Variants in TRAF4 observed in about 807,000 individuals in gnomAD.
TRAF4 encodes the protein TNF receptor associated factor 4.
A neutral mutation model predicts 47.3 loss-of-function variants in TRAF4; 9 were observed. That is an observed-to-expected ratio of 0.19 (90% CI 0.11 to 0.33). The LOEUF (loss-of-function observed/expected upper bound fraction) is 0.33, where lower values mean the gene tolerates loss of function less well. TRAF4 is among the 10% of genes least tolerant of loss of function. The probability of loss-of-function intolerance (pLI) is 1.00; values close to 1 mark genes in which losing one functional copy is unlikely to be tolerated. For synonymous variants in TRAF4, 236 were observed against 236.9 expected (o/e 1.00, Z 0.04); for missense variants, 448 against 620.3 (o/e 0.72, Z 2.95).
chr17:28,750,285 C>T lies in TRAF4; in HGVS notation c.*708C>T. The T allele has an allele frequency of 4.3e-6, 1 of 234,010 alleles. No homozygotes were observed. The highest frequency in any genetic ancestry group is 8.4e-6 in the Non-Finnish European group (1 of 118,694). The allele number at this position is 234,010 out of a possible 1,614,324, so 14.5% of individuals were successfully genotyped here. On this transcript the variant is annotated 3_prime_UTR_variant, in exon 7 of 7. Coordinates refer to ENST00000262395, the MANE Select transcript of TRAF4 (RefSeq NM_004295.4). ...AGACGGTCCCTGCCACTGCCCTCTG[C>T]CGATGAAATGCGGGAAGTGTATGGC... is the stretch of plus-strand genomic sequence containing the variant.
intron 1 of TRAF4, chr17:28,747,004 C>T: frequency 8.4e-6 from 4 of 476,738 alleles, no homozygotes; most frequent in Non-Finnish European, 7.3e-6. Flanking sequence ...CTCCTCTAGG[C>T]CCAGACCCCC....
rs2034470927 is a variant in TRAF4 at position 28,744,219 on chromosome 17, A to G, written c.107A>G (p.His36Arg). Residue 36 changes from histidine to arginine, a missense_variant, in exon 1 of 7, where the codon CAC becomes CGC. Physicochemically the swap from His to Arg is conservative, Grantham distance 29. Coordinates refer to ENST00000262395, the MANE Select transcript of TRAF4 (RefSeq NM_004295.4). ...REPVQVSTCG[H>R]RFCDTCLQEF... is the part of the protein sequence containing the mutation. Reference sequence around the variant, plus strand: ...CCTGTGCAGGTTTCCACCTGCGGCCACCGTTTCTGCGATACCTGCCTGCAG... The same window carrying G: ...CCTGTGCAGGTTTCCACCTGCGGCCGCCGTTTCTGCGATACCTGCCTGCAG... The G allele has an allele frequency of 6.4e-7, 1 of 1,558,320 alleles. No homozygotes were observed. Among genetic ancestry groups the G allele is most frequent in the African/African-American group, 1.4e-5 (1 of 71,894 alleles).
rs1254416613 is a variant in TRAF4 at position 28,749,840 on chromosome 17, A to G, written c.*263A>G. On this transcript the variant is annotated 3_prime_UTR_variant, in exon 7 of 7. Transcript: ENST00000262395. ...GTCTCCCTTCTTGGGTAGGGCAGAC[A>G]TGCCTTGGTGCCGGTCACACTCTAC... The G allele has an allele frequency of 4.2e-6, 3 of 712,646 alleles. No individual in the cohort carries two copies. The Admixed American group carries it at 6.0e-5, about 14-fold the overall frequency. The allele number at this position is 712,646 out of a possible 1,614,324, so 44.1% of individuals were successfully genotyped here.
intron 4 of TRAF4, 32 bp downstream of exon 4, chr17:28,748,210 G>A (rs371258018): frequency 1.9e-6 from 3 of 1,613,038 alleles, no homozygotes; most frequent in African/African-American, 1.3e-5. Context: ...GTGGAGGAGG[G>A]GGTACCTGAT....
Position 28,747,824 on chromosome 17 carries a change from C to G in TRAF4, c.196-19C>G, listed in dbSNP as rs368079949. On this transcript the variant is annotated intron_variant, in intron 2 of 6. Transcript: ENST00000262395. ...CAGTCAGCTCTGACCCTGGCCAGTT[C>G]CCCCATCCCTACCCCCAGATCTACC... is the stretch of plus-strand genomic sequence containing the variant. The G allele has an allele frequency of 6.2e-7, 1 of 1,607,182 alleles. No homozygotes were observed. Among genetic ancestry groups the G allele is most frequent in the Non-Finnish European group, 8.5e-7 (1 of 1,177,018 alleles).
In TRAF4 at chr17:28,744,397, GA is replaced by G. The variant is rs1567764626; in HGVS notation, c.143+143del. 3.0e-6 allele frequency: 3 copies of G among 997,996 alleles called. No individual in the cohort carries two copies. In the African/African-American group the frequency reaches 5.2e-5, roughly 17 times the overall value. 61.8% of individuals were successfully genotyped at this position (997,996 alleles called of 1,614,324 possible). On this transcript the variant is annotated intron_variant, in intron 1 of 6. Coordinates refer to ENST00000262395, the MANE Select transcript of TRAF4 (RefSeq NM_004295.4). The stretch of plus-strand genomic sequence containing the variant: ...CAGGGGCGCCCCGTGACGTCACGGG[GA>G]GGGATGACGTCAAGCCCCGAGGGAG...
chr17:28,749,229 T>C lies in TRAF4; in HGVS notation c.1065T>C (p.Asn355=). The C allele has an allele frequency of 6.2e-7, 1 of 1,614,124 alleles. No homozygotes were observed. Among genetic ancestry groups the C allele is most frequent in the Non-Finnish European group, 8.5e-7 (1 of 1,180,038 alleles). ...AGGTGTCTGCATTCCTCAATGGCAA[T>C]GGCAGTGGTGAGGGCACACACCTCT... ...KLQVSAFLNG[N]GSGEGTHLSL... The change falls in exon 7 of 7, where the codon AAT becomes AAC. Residue 355 remains asparagine, a synonymous_variant. Transcript: ENST00000262395.
chr17:28,744,026 G>A lies in TRAF4; in HGVS notation c.-87G>A, dbSNP rs1286839533. 12 of 1,033,396 alleles carry A rather than the reference G, an allele frequency of 1.2e-5. No homozygotes were observed. The highest frequency in any genetic ancestry group is 8.9e-4 in the Middle Eastern group (2 of 2,252). The allele number at this position is 1,033,396 out of a possible 1,614,324, so 64.0% of individuals were successfully genotyped here. ...CGCGACCGCCAGTCGGCGCCGCCCG[G>A]AGCCGGGAGCGCCGCTCCAGCGAGG... On this transcript the variant is annotated 5_prime_UTR_variant, in exon 1 of 7. Coordinates refer to ENST00000262395, the MANE Select transcript of TRAF4 (RefSeq NM_004295.4).
In TRAF4 at chr17:28,748,989, G is replaced by A; in HGVS notation, c.825G>A (p.Lys275=). ...AMARHVEESV[K]PHLAMMCALV... is the part of the protein sequence containing the mutation. The stretch of plus-strand genomic sequence containing the variant: ...CACGGCATGTGGAGGAGAGTGTGAA[G>A]CCACATCTGGCCATGATGTGTGCCC... Residue 275 remains lysine, a synonymous_variant, in exon 7 of 7, where the codon AAG becomes AAA. Transcript: ENST00000262395. 6.2e-7 allele frequency: 1 copy of A among 1,613,492 alleles called. No homozygotes were observed. Among genetic ancestry groups the A allele is most frequent in the Non-Finnish European group, 8.5e-7 (1 of 1,179,974 alleles).
At chr17:28,744,292 C>T in intron 1 of TRAF4, 37 bp downstream of exon 1, 2 of 95,982 alleles carry the variant, frequency 2.1e-5, no homozygotes. Flanking sequence ...GGGGGCGGGG[C>T]GGGGCGGGGG....
At position 28,750,461 on chromosome 17, in the gene TRAF4, T is replaced by G. The variant is rs1048858274; in HGVS notation, c.*884T>G. On this transcript the variant is annotated 3_prime_UTR_variant, in exon 7 of 7. Coordinates refer to ENST00000262395, the MANE Select transcript of TRAF4 (RefSeq NM_004295.4). ...TATTTCATTGAAAAGAACTGTCAAGTGAAATACTTTTTAGCACAGTAACTG... is the reference window on the plus strand; with the variant it reads ...TATTTCATTGAAAAGAACTGTCAAGGGAAATACTTTTTAGCACAGTAACTG... 12 of 152,636 alleles carry G rather than the reference T, an allele frequency of 7.9e-5. No individual in the cohort carries two copies. The highest frequency in any genetic ancestry group is 1.5e-4 in the Non-Finnish European group (10 of 68,362). The allele number at this position is 152,636 out of a possible 1,614,324, so 9.5% of individuals were successfully genotyped here.
At chr17:28,745,767 C>G (rs777982177) in intron 1 of TRAF4, among the ~76,000 whole-genome samples, 1 of 152,188 alleles carries the variant, frequency 6.6e-6, no homozygotes, top group Non-Finnish European at 1.5e-5. Flanking sequence ...GCTCCTCACC[C>G]GCCACGGTAC....
rs767474975 is a variant in TRAF4, at chr17:28,748,898, CTGAT to C, written c.781-46_781-43del. On this transcript the variant is annotated intron_variant, in intron 6 of 6. Transcript: ENST00000262395. ...TCTCCTCTCCCTGGACCTCCCCCTACTGATAACTCTCCTCCCTTCCCCCATGGCC... is the reference window on the plus strand; with the variant it reads ...TCTCCTCTCCCTGGACCTCCCCCTACAACTCTCCTCCCTTCCCCCATGGCC... 5.7e-6 allele frequency: 9 copies of C among 1,567,154 alleles called. 1 individual carries two copies. The South Asian group carries it at 1.1e-4, about 19-fold the overall frequency.
chr17:28,749,146 C>T lies in TRAF4; in HGVS notation c.982C>T (p.Pro328Ser). The T allele has an allele frequency of 6.2e-7, 1 of 1,614,106 alleles. No homozygotes were observed. Among genetic ancestry groups the T allele is most frequent in the Non-Finnish European group, 8.5e-7 (1 of 1,180,054 alleles). The change falls in exon 7 of 7, where the codon CCC becomes TCC. Residue 328 changes from proline to serine, a missense_variant. Physicochemically the swap from Pro to Ser is moderately conservative, Grantham distance 74. Transcript: ENST00000262395. ...GCGGCTACAGGAGGCCAAGGCCAAG[C>T]CCAACCTTGAGTGCTTCAGCCCAGC... ...GRRLQEAKAK[P>S]NLECFSPAFY...
chr17:28,747,447 G>A (rs138710995), intron 2 of TRAF4, 183 bp downstream of exon 2: 2 of 701,178 alleles, frequency 2.9e-6, no homozygotes, highest in Non-Finnish European at 4.6e-6. Context: ...GTTTGCCCTG[G>A]AGGGCATGCA....
rs996953187 is a variant in TRAF4, at chr17:28,748,057, C to T, written c.341C>T (p.Pro114Leu). The change falls in exon 4 of 7, where the codon CCT becomes CTT. Residue 114 changes from proline to leucine, a missense_variant. Pro to Leu is a moderately conservative substitution (Grantham distance 98). Transcript: ENST00000262395. ...TGCAGCTTCAATGTCATTCCCTGCC[C>T]TAATCGCTGCCCCATGAAGCTGAGC... ...NTCSFNVIPCPNRCPMKLSRR... is the reference protein window; with the variant it reads ...NTCSFNVIPCLNRCPMKLSRR... 3.1e-6 allele frequency: 5 copies of T among 1,614,090 alleles called. No individual in the cohort carries two copies. The highest frequency in any genetic ancestry group is 4.2e-6 in the Non-Finnish European group (5 of 1,180,036).
rs568496632 is a variant in TRAF4 at position 28,749,328 on chromosome 17, C to T, written c.1164C>T (p.Phe388=). ...LEWPFARRVT[F]SLLDQSDPGL... is the part of the protein sequence containing the mutation. ...GGCCCTTTGCCCGCCGTGTCACCTTCTCCCTGCTGGATCAGAGCGACCCTG... is the reference window on the plus strand; with the variant it reads ...GGCCCTTTGCCCGCCGTGTCACCTTTTCCCTGCTGGATCAGAGCGACCCTG... Residue 388 remains phenylalanine (F), a synonymous_variant, in exon 7 of 7, where the codon TTC becomes TTT. Coordinates refer to ENST00000262395, the MANE Select transcript of TRAF4 (RefSeq NM_004295.4). The T allele has an allele frequency of 1.4e-5, 22 of 1,614,136 alleles. No individual in the cohort carries two copies. In the South Asian group the frequency reaches 1.4e-4, roughly 10 times the overall value.
chr17:28,747,423 C>A, intron 2 of TRAF4, 159 bp downstream of exon 2: 2 of 841,864 alleles, frequency 2.4e-6, no homozygotes, highest in African/African-American at 1.7e-5. Flanking sequence ...GGCCAGTTTG[C>A]AAACGAGGCC....
intron 1 of TRAF4, chr17:28,746,788 C>G (rs1431928508): frequency 6.2e-6 from 1 of 160,466 alleles, no homozygotes; most frequent in African/African-American, 2.4e-5. Flanking sequence ...AGAGGACCTT[C>G]CTGGGGACTG....
Sources: gnomAD v4.1 joint callset for allele counts (sites outside exome capture counted in the v4.1 genomes callset) on GRCh38, gnomAD v4.1.1 for gene constraint, MANE v1.5 for transcripts, NCBI Gene and HGNC (gene_info 2026-07-23, HGNC 2026-07-21) for gene names.